The following PDE6A variants were observed in gnomAD, a reference collection of about 807,000 sequenced individuals.
PDE6A encodes the protein phosphodiesterase 6A, also known as rod cGMP-specific 3',5'-cyclic phosphodiesterase subunit alpha.
A neutral mutation model predicts 106.3 loss-of-function variants in PDE6A; 84 were observed. The observed-to-expected ratio is 0.79, with a 90% CI of 0.66 to 0.95. The LOEUF is 0.95. Among genes scored for constraint, PDE6A ranks in the 40% least tolerant of loss-of-function variants. The pLI is 0.00. For missense variants in PDE6A, 1,052 were observed against 1,084.9 expected (o/e 0.97, Z 0.43); for synonymous variants, 394 against 386.6 (o/e 1.02, Z -0.23).
intron 1 of PDE6A, among the ~76,000 whole-genome samples, chr5:149,935,440 C>T (rs1036440561): frequency 5.9e-5 from 9 of 152,136 alleles, no homozygotes; most frequent in African/African-American, 1.9e-4. Context: ...AGTAGATATC[C>T]CCATTCTACG....
In PDE6A at chr5:149,901,442, C is replaced by T. The variant is rs777406039; in HGVS notation, c.1114-1918G>A. 6.6e-5 allele frequency among the ~76,000 whole-genome samples: 10 copies of T among 152,214 alleles called. 1 individual carries two copies. The highest frequency in any genetic ancestry group is 4.6e-4 in the Admixed American group (7 of 15,298). On this transcript the variant is annotated intron_variant, in intron 8 of 21. Coordinates refer to ENST00000255266, the MANE Select transcript of PDE6A (RefSeq NM_000440.3). The stretch of plus-strand genomic sequence containing the variant: ...ACTCAGGAGGCTGAAGCAGCAGAAT[C>T]GCTTGAACCCAGGAGGCGGAGGTTG...
intron 2 of PDE6A, 108 bp from the exon 3 acceptor site, chr5:149,934,127 C>A: frequency 2.7e-6 from 2 of 730,214 alleles, no homozygotes; most frequent in Non-Finnish European, 4.9e-6. Flanking sequence ...TCATCAGAGA[C>A]AATTTGGGCA....
rs140232958 is a variant in PDE6A at position 149,928,838 on chromosome 5, A to T, written c.858+2190T>A. ...TGTGATTTTTTTAAATGGAGGAGAAACTTGAACAGTCACTTCAAAAAATAA... is the reference window on the plus strand; with the variant it reads ...TGTGATTTTTTTAAATGGAGGAGAATCTTGAACAGTCACTTCAAAAAATAA... On this transcript the variant is annotated intron_variant, in intron 4 of 21. Transcript: ENST00000255266. 2.6e-3 allele frequency among the ~76,000 whole-genome samples: 402 copies of T among 152,336 alleles called. 6 individuals are homozygous for T. The highest frequency in any genetic ancestry group is 9.5e-3 in the African/African-American group (395 of 41,570).
At chr5:149,926,410 C>A (rs915537052) in intron 4 of PDE6A, among the ~76,000 whole-genome samples, 3 of 151,980 alleles carry the variant, frequency 2.0e-5, no homozygotes, top group Admixed American at 1.3e-4. Flanking sequence ...TTTCAATAAA[C>A]AGTGCTGGGC....
chr5:149,941,677 A>G (rs573116170), intron 1 of PDE6A, among the ~76,000 whole-genome samples: 113 of 152,344 alleles, frequency 7.4e-4, no homozygotes, highest in Admixed American at 1.0e-3. Flanking sequence ...GACAAGCCCA[A>G]ATGAAAGGAC....
intron 3 of PDE6A, chr5:149,932,377 T>C: frequency 1.4e-6 from 2 of 1,388,516 alleles, no homozygotes; most frequent in Non-Finnish European, 2.0e-6. Context: ...GGTCTTTCAC[T>C]TAGCCTAAGT....
chr5:149,886,300 A>C lies in PDE6A; in HGVS notation c.1803T>G (p.Ile601Met), dbSNP rs767744053. ...AMVTAAFCHDIDHRGTNNLYQ... is the reference protein window; with the variant it reads ...AMVTAAFCHDMDHRGTNNLYQ... ...AGAGGTTATTGGTGCCTCTGTGGTC[A>C]ATGTCATGGCAGAAAGCAGCAGTGA... The change falls in exon 14 of 22, where the codon ATT becomes ATG. Residue 601 changes from isoleucine (I) to methionine (M), a missense_variant. Physicochemically the swap from Ile to Met is conservative, Grantham distance 10. Around this residue, in one of 3 missense-constraint regions of PDE6A, gnomAD observed 913 missense variants for 915.2 expected, o/e 1.00. Transcript: ENST00000255266. The C allele has an allele frequency of 6.2e-7, 1 of 1,614,150 alleles. No individual in the cohort carries two copies. The highest frequency in any genetic ancestry group is 8.5e-7 in the Non-Finnish European group (1 of 1,179,954).
At chr5:149,891,038 A>G (rs947154549) in intron 13 of PDE6A, among the ~76,000 whole-genome samples, 2 of 152,246 alleles carry the variant, frequency 1.3e-5, no homozygotes, top group Admixed American at 6.5e-5. Context: ...GTGGACTCAT[A>G]AGGAGTCCCG....
chr5:149,927,058 C>T (rs753741759), intron 4 of PDE6A, among the ~76,000 whole-genome samples: 20 of 150,392 alleles, frequency 1.3e-4, no homozygotes, highest in Admixed American at 2.0e-4. Flanking sequence ...CACTTAATGG[C>T]GGGGATATGC....
chr5:149,913,518 C>T (rs552030380), intron 6 of PDE6A, among the ~76,000 whole-genome samples: 44 of 152,188 alleles, frequency 2.9e-4, no homozygotes, highest in Admixed American at 2.6e-3. Flanking sequence ...ACCCTGAGAA[C>T]TTGTTTATCT....
chr5:149,883,595 C>A, intron 16 of PDE6A, 59 bp from the exon 17 acceptor site: 1 of 1,121,492 alleles, frequency 8.9e-7, no homozygotes, highest in Non-Finnish European at 1.3e-6. Context: ...AACACCTGAG[C>A]TGCTAACATT....
Position 149,912,143 on chromosome 5 carries a change from G to A in PDE6A, c.998+2800C>T, listed in dbSNP as rs145087260. 6.6e-3 allele frequency among the ~76,000 whole-genome samples: 1,006 copies of A among 151,844 alleles called. 34 individuals are homozygous for A. The highest frequency in any genetic ancestry group is 0.044 in the Admixed American group (677 of 15,248). On this transcript the variant is annotated intron_variant, in intron 6 of 21. Coordinates refer to ENST00000255266, the MANE Select transcript of PDE6A (RefSeq NM_000440.3). ...TTTTTTAGTGAAAGTGTCTCACTAT[G>A]TTGCCCAGGCTGGAGTACAGTGGCT...
At chr5:149,895,045 C>T (rs1350970553) in intron 13 of PDE6A, 138 bp downstream of exon 13, 1 of 688,786 alleles carries the variant, frequency 1.5e-6, no homozygotes, top group African/African-American at 1.8e-5. Flanking sequence ...TACACTAAGC[C>T]CGTACTGCTT....
At chr5:149,936,754 T>C (rs1199674093) in intron 1 of PDE6A, among the ~76,000 whole-genome samples, 1 of 152,244 alleles carries the variant, frequency 6.6e-6, no homozygotes, top group Non-Finnish European at 1.5e-5. Context: ...AGAAGCCATT[T>C]AGCTCAAACT....
chr5:149,930,269 T>C (rs1753991800), intron 4 of PDE6A, among the ~76,000 whole-genome samples: 1 of 152,244 alleles, frequency 6.6e-6, no homozygotes, highest in Non-Finnish European at 1.5e-5. Flanking sequence ...GATTCTGTGA[T>C]CCATGTATTC....
In PDE6A at chr5:149,884,884, G is replaced by A. The variant is rs546709371; in HGVS notation, c.1839-17C>T. ...TTCTGGGATCTGAATGAGAAAGAGAGAGAATCAATATGGAGTGGACAATAG... is the reference window on the plus strand; with the variant it reads ...TTCTGGGATCTGAATGAGAAAGAGAAAGAATCAATATGGAGTGGACAATAG... On this transcript the variant is annotated splice_polypyrimidine_tract_variant and intron_variant, in intron 14 of 21. Coordinates refer to ENST00000255266, the MANE Select transcript of PDE6A (RefSeq NM_000440.3). 1.9e-6 allele frequency: 3 copies of A among 1,591,678 alleles called. No individual in the cohort carries two copies. In the South Asian group the frequency reaches 3.3e-5, roughly 18 times the overall value.
chr5:149,926,067 C>A (rs981700087), intron 4 of PDE6A, among the ~76,000 whole-genome samples: 1 of 151,910 alleles, frequency 6.6e-6, no homozygotes, highest in East Asian at 1.9e-4. Context: ...TATGGTGAAA[C>A]CCCATCTGTA....
At position 149,931,991 on chromosome 5, in the gene PDE6A, T is replaced by C. The variant is rs1754048317; in HGVS notation, c.718-823A>G. The C allele has an allele frequency of 2.2e-5, 31 of 1,439,426 alleles. No homozygotes were observed. In the South Asian group the frequency reaches 3.2e-4, roughly 15 times the overall value. The allele number at this position is 1,439,426 out of a possible 1,614,324, so 89.2% of individuals were successfully genotyped here. Reference sequence around the variant, plus strand: ...TTTCCAGCTGTTGAGATAATATTTTTGAGAGCTGATGTTACCTCTAGCGGC... The same window carrying C: ...TTTCCAGCTGTTGAGATAATATTTTCGAGAGCTGATGTTACCTCTAGCGGC... On this transcript the variant is annotated intron_variant, in intron 3 of 21. Coordinates refer to ENST00000255266, the MANE Select transcript of PDE6A (RefSeq NM_000440.3).
chr5:149,941,261 G>A (rs1561792687), intron 1 of PDE6A, among the ~76,000 whole-genome samples: 1 of 152,188 alleles, frequency 6.6e-6, no homozygotes. Context: ...TGACCTCCAG[G>A]GCTTATTATG....
Sources: gnomAD v4.1 joint callset for allele counts (sites outside exome capture counted in the v4.1 genomes callset) on GRCh38, gnomAD v4.1.1 for gene constraint, gnomAD v4.1.1 regional missense constraint, MANE v1.5 for transcripts, NCBI Gene and HGNC (gene_info 2026-07-23, HGNC 2026-07-21) for gene names.